IL33: variants seen among roughly 807,000 people sequenced by gnomAD.
IL33 encodes interleukin 33, also known as interleukin-33.
IL33 carries 37 observed loss-of-function variants against 27.3 expected under a neutral mutation model. The observed-to-expected ratio is 1.36, with a 90% CI of 1.04 to 1.78. The LOEUF is 1.78. IL33 is among the 40% of genes most tolerant of loss of function. The pLI is 0.00. For missense variants in IL33, 406 were observed against 311.4 expected (o/e 1.30, Z -2.29); for synonymous variants, 132 against 102.9 (o/e 1.28, Z -1.71).
intron 6 of IL33, among the ~76,000 whole-genome samples, chr9:6,254,225 G>A (rs1221910253): frequency 6.6e-6 from 1 of 151,948 alleles, no homozygotes; most frequent in Non-Finnish European, 1.5e-5. Flanking sequence ...TAACCATTAG[G>A]GTCACAACTC....
At chr9:6,226,669 T>C (rs1818647299) in intron 1 of IL33, among the ~76,000 whole-genome samples, 1 of 152,252 alleles carries the variant, frequency 6.6e-6, no homozygotes, top group African/African-American at 2.4e-5. Flanking sequence ...AGATATTCTA[T>C]TTGGATCTTT....
chr9:6,251,388 C>A, intron 4 of IL33, 123 bp downstream of exon 4: 1 of 1,416,700 alleles, frequency 7.1e-7, no homozygotes, highest in Non-Finnish European at 9.6e-7. Context: ...AAACTTCTGC[C>A]CATTTGCAGC....
chr9:6,225,373 A>C (rs1818582081), intron 1 of IL33, among the ~76,000 whole-genome samples: 1 of 152,200 alleles, frequency 6.6e-6, no homozygotes, highest in Non-Finnish European at 1.5e-5. Context: ...GCAGCAGGAT[A>C]GAGGGAAGAG....
chr9:6,246,161 T>C (rs1356693533), intron 2 of IL33, among the ~76,000 whole-genome samples: 1 of 144,054 alleles, frequency 6.9e-6, no homozygotes, highest in African/African-American at 2.6e-5. Flanking sequence ...AGGAGAAATA[T>C]ATTGGGGGCA....
chr9:6,243,448 G>T (rs912040594), intron 2 of IL33, among the ~76,000 whole-genome samples: 2 of 152,134 alleles, frequency 1.3e-5, no homozygotes, highest in African/African-American at 2.4e-5. Context: ...TCTGCCTCCT[G>T]GTTCAAGCGA....
At chr9:6,239,848 T>A in intron 1 of IL33, among the ~76,000 whole-genome samples, 1 of 152,190 alleles carries the variant, frequency 6.6e-6, no homozygotes, top group Middle Eastern at 3.2e-3. Flanking sequence ...GGATGTTCCA[T>A]GTTCACCACT....
At chr9:6,216,470 C>A (rs1818146899) in intron 1 of IL33, among the ~76,000 whole-genome samples, 1 of 152,170 alleles carries the variant, frequency 6.6e-6, no homozygotes, top group African/African-American at 2.4e-5. Context: ...TGTGGTGGTT[C>A]AAGCCTGTAA....
At chr9:6,254,772 C>T (rs575055400) in intron 7 of IL33, among the ~76,000 whole-genome samples, 77 of 152,186 alleles carry the variant, frequency 5.1e-4, no homozygotes, top group African/African-American at 1.8e-3. Flanking sequence ...AAAGTCTGCT[C>T]TCTGCCAGCA....
intron 1 of IL33, among the ~76,000 whole-genome samples, chr9:6,235,132 C>G (rs926758164): frequency 6.6e-6 from 1 of 152,162 alleles, no homozygotes; most frequent in African/African-American, 2.4e-5. Context: ...CTTTAAACTT[C>G]TGGGCTCAGG....
intron 1 of IL33, 86 bp downstream of exon 1, chr9:6,215,938 TTC>T (rs1012731268): frequency 1.3e-5 from 2 of 152,052 alleles, no homozygotes; most frequent in African/African-American, 4.8e-5. Context: ...TTTTTTTTTT[TTC>T]CTGAAAAATA....
intron 1 of IL33, among the ~76,000 whole-genome samples, chr9:6,216,108 C>A (rs1818130032): frequency 6.6e-6 from 1 of 151,410 alleles, no homozygotes; most frequent in South Asian, 2.1e-4. Flanking sequence ...AATTCTGCCC[C>A]CTCCATGAAA....
intron 2 of IL33, 69 bp downstream of exon 2, chr9:6,241,854 A>G: frequency 9.8e-7 from 1 of 1,018,056 alleles, no homozygotes; most frequent in Admixed American, 2.2e-5. Context: ...TTTATACTCC[A>G]ATGTTTATAC....
chr9:6,224,886 T>C (rs1225217452), intron 1 of IL33, among the ~76,000 whole-genome samples: 1 of 146,172 alleles, frequency 6.8e-6, no homozygotes, highest in Non-Finnish European at 1.5e-5. Flanking sequence ...GCAGAATAGA[T>C]TTTTTTTTTT....
At chr9:6,255,884 C>A in intron 7 of IL33, 84 bp from the exon 8 acceptor site, 2 of 1,051,118 alleles carry the variant, frequency 1.9e-6, no homozygotes, top group South Asian at 1.4e-5. Flanking sequence ...ATAAGTATTC[C>A]CCTTTAGTTT....
chr9:6,233,839 T>C lies in IL33; in HGVS notation c.-11-7845T>C, dbSNP rs1449468193. On this transcript the variant is annotated intron_variant, in intron 1 of 7. Transcript: ENST00000682010. ...AAAGATACCATTCTTTCTTTCTTTG[T>C]TCCCTTTCATTACTGTATTATACTT... 4.0e-4 allele frequency among the ~76,000 whole-genome samples: 61 copies of C among 152,196 alleles called. 1 individual carries two copies. Among genetic ancestry groups the C allele is most frequent in the Non-Finnish European group, 1.0e-4 (7 of 68,038 alleles).
chr9:6,245,288 T>A lies in IL33; in HGVS notation c.91+3503T>A, dbSNP rs567924202. 1.8e-4 allele frequency among the ~76,000 whole-genome samples: 28 copies of A among 152,334 alleles called. 1 individual carries two copies. Among genetic ancestry groups the A allele is most frequent in the Admixed American group, 9.1e-4 (14 of 15,310 alleles). ...AGGATATTTTTAATGAAAATCTAAA[T>A]GTGTATAGTTTCTCTAAAAAAATCC... On this transcript the variant is annotated intron_variant, in intron 2 of 7. Coordinates refer to ENST00000682010, the MANE Select transcript of IL33 (RefSeq NM_033439.4).
At chr9:6,232,063 A>G (rs1818953563) in intron 1 of IL33, among the ~76,000 whole-genome samples, 1 of 152,258 alleles carries the variant, frequency 6.6e-6, no homozygotes, top group Admixed American at 6.5e-5. Context: ...TCTTAAAGGT[A>G]TTAGCATTTA....
intron 1 of IL33, among the ~76,000 whole-genome samples, chr9:6,235,078 C>G (rs1819122913): frequency 6.6e-6 from 1 of 152,158 alleles, no homozygotes; most frequent in Admixed American, 6.5e-5. Flanking sequence ...GAGTCTCACT[C>G]TGTGGTCCAG....
At position 6,256,222 on chromosome 9, in the gene IL33, AG is replaced by A. The variant is rs1816723926; in HGVS notation, c.*56del. On this transcript the variant is annotated 3_prime_UTR_variant, in exon 8 of 8. Coordinates refer to ENST00000682010, the MANE Select transcript of IL33 (RefSeq NM_033439.4). ...AGTACCCAAATGCTACCACTGGAGA[AG>A]GAATGAGAGATAAAGAAAGAGACAG... 1 of 1,269,688 alleles carries A rather than the reference AG, an allele frequency of 7.9e-7. No homozygotes were observed. The highest frequency in any genetic ancestry group is 1.5e-5 in the African/African-American group (1 of 67,734). The allele number at this position is 1,269,688 out of a possible 1,614,324, so 78.7% of individuals were successfully genotyped here. A position where few individuals can be genotyped will look rare whatever the true frequency, so the allele number is the denominator to read the frequency against.
Sources: gnomAD v4.1 joint callset for allele counts (sites outside exome capture counted in the v4.1 genomes callset) on GRCh38, gnomAD v4.1.1 for gene constraint, MANE v1.5 for transcripts, NCBI Gene and HGNC (gene_info 2026-07-23, HGNC 2026-07-21) for gene names.